Variants in TSHZ1 observed in about 807,000 individuals in gnomAD.
TSHZ1 encodes teashirt homolog 1.
Under a neutral mutation model 67.1 loss-of-function variants are expected in TSHZ1, and 12 were observed. The observed-to-expected ratio is 0.18, with a 90% CI of 0.11 to 0.29. The LOEUF is 0.29. Among genes scored for constraint, TSHZ1 ranks in the 10% least tolerant of loss-of-function variants. The pLI, the probability that TSHZ1 is intolerant of heterozygous loss-of-function variation, is 1.00. For synonymous variants in TSHZ1, 632 were observed against 622.4 expected, an observed-to-expected ratio of 1.02 and a Z score of -0.23; for missense variants, 1,305 against 1,413.9, an observed-to-expected ratio of 0.92 and a Z score of 1.23.
At chr18:75,242,367 TACTC>T (rs2023167565) in intron 1 of TSHZ1, among the ~76,000 whole-genome samples, 1 of 152,190 alleles carries the variant, frequency 6.6e-6, no homozygotes, top group Admixed American at 6.5e-5. Flanking sequence ...TACAGGCACT[TACTC>T]AGCAGCTGCA....
chr18:75,287,168 C>T lies in TSHZ1; in HGVS notation c.1761C>T (p.Gly587=), dbSNP rs1350192843. ...TCCATGCAGCCTACCAGCTCCCGGG[C>T]ACCGTGAAGCCACTGCCGGCGGCCG... is the stretch of plus-strand genomic sequence containing the variant. The part of the protein sequence containing the change: ...PSIHAAYQLP[G]TVKPLPAAVQ... The change falls in exon 2 of 2, where the codon GGC becomes GGT. Residue 587 remains glycine, a synonymous_variant. Transcript: ENST00000580243. The surrounding 1 kb of genome is among the most constrained non-coding windows in gnomAD (Gnocchi z 5.0). The T allele has an allele frequency of 1.2e-6, 2 of 1,613,676 alleles. No homozygotes were observed. Among genetic ancestry groups the T allele is most frequent in the East Asian group, 2.2e-5 (1 of 44,884 alleles).
Position 75,240,068 on chromosome 18 carries a change from G to A in TSHZ1, c.40+28152G>A, listed in dbSNP as rs555927189. ...TTGATGTCCCCTCCTTGAGCCCAGT[G>A]ATAGAATTTATCCTTCAAAGATAAA... On this transcript the variant is annotated intron_variant, in intron 1 of 1. Transcript: ENST00000580243. Among the ~76,000 whole-genome samples the A allele has an allele frequency of 1.8e-4, 28 of 152,332 alleles. No individual in the cohort carries two copies. In the South Asian group the frequency reaches 3.5e-3, roughly 19 times the overall value.
intron 1 of TSHZ1, among the ~76,000 whole-genome samples, chr18:75,235,747 G>T (rs1307164861): frequency 6.6e-6 from 1 of 152,184 alleles, no homozygotes; most frequent in African/African-American, 2.4e-5. Context: ...ATGTTATCAG[G>T]ATTGAATATG....
At chr18:75,253,328 CCTT>C in intron 1 of TSHZ1, among the ~76,000 whole-genome samples, 1 of 152,320 alleles carries the variant, frequency 6.6e-6, no homozygotes, top group Admixed American at 6.5e-5. Context: ...TTTATCATGA[CCTT>C]CTCTTGTGGC....
intron 1 of TSHZ1, among the ~76,000 whole-genome samples, chr18:75,275,905 G>A (rs1168389668): frequency 6.6e-6 from 1 of 152,184 alleles, no homozygotes; most frequent in Non-Finnish European, 1.5e-5. Context: ...GCTTTTTGCT[G>A]TTCTCACTTT....
intron 1 of TSHZ1, among the ~76,000 whole-genome samples, chr18:75,255,227 G>A (rs528771177): frequency 1.3e-5 from 2 of 152,210 alleles, no homozygotes; most frequent in East Asian, 1.9e-4. Flanking sequence ...CGCTCACTGT[G>A]TTGTTTCAGC....
At chr18:75,245,817 C>T (rs2023214368) in intron 1 of TSHZ1, among the ~76,000 whole-genome samples, 1 of 152,144 alleles carries the variant, frequency 6.6e-6, no homozygotes, top group Admixed American at 6.5e-5. Flanking sequence ...TATTCATAAT[C>T]ATGGTGCTTA....
Position 75,288,461 on chromosome 18 carries a change from C to T in TSHZ1, c.3054C>T (p.Leu1018=). ...IQEQQNVSKV[L]TNKTLGPLGA... ...AACAGCAGAATGTTTCGAAAGTCCT[C>T]ACCAACAAAACTCTGGGCCCACTGG... Residue 1018 remains leucine, a synonymous_variant, in exon 2 of 2, where the codon CTC becomes CTT. Coordinates refer to ENST00000580243, the MANE Select transcript of TSHZ1 (RefSeq NM_001308210.2). The surrounding 1 kb of genome is among the most constrained non-coding windows in gnomAD (Gnocchi z 4.9). 1 of 1,614,202 alleles carries T rather than the reference C, an allele frequency of 6.2e-7. No individual in the cohort carries two copies. The highest frequency in any genetic ancestry group is 8.5e-7 in the Non-Finnish European group (1 of 1,180,046).
In TSHZ1 at chr18:75,211,857, G is replaced by A. The variant is rs1177578824; in HGVS notation, c.-20G>A. ...GAACTCCGGCGGCGGCTGAGGCGAC[G>A]GCTGCGGCGGCCGAGCAGCATGCCG... On this transcript the variant is annotated 5_prime_UTR_variant, in exon 1 of 2. Transcript: ENST00000580243. The A allele has an allele frequency of 5.1e-6, 6 of 1,169,834 alleles. No homozygotes were observed. The highest frequency in any genetic ancestry group is 6.3e-6 in the Non-Finnish European group (6 of 948,490). The allele number at this position is 1,169,834 out of a possible 1,614,324, so 72.5% of individuals were successfully genotyped here.
intron 1 of TSHZ1, among the ~76,000 whole-genome samples, chr18:75,215,192 A>G (rs1194240287): frequency 3.9e-5 from 6 of 152,092 alleles, no homozygotes; most frequent in African/African-American, 1.2e-4. Flanking sequence ...AAAGGGAGGG[A>G]CAGGCCTGAA....
chr18:75,288,276 A>G lies in TSHZ1; in HGVS notation c.2869A>G (p.Thr957Ala), dbSNP rs2023812759. The G allele has an allele frequency of 1.9e-6, 3 of 1,614,186 alleles. No individual in the cohort carries two copies. The highest frequency in any genetic ancestry group is 1.7e-6 in the Non-Finnish European group (2 of 1,180,028). ...GTACCAGTTGAGGAGGACAGGGGGA[A>G]CGAAATTCCTAAAGAACCTGGACAC... is the stretch of plus-strand genomic sequence containing the variant. ...VKYQLRRTGG[T>A]KFLKNLDTGH... The change falls in exon 2 of 2, where the codon ACG becomes GCG. Residue 957 changes from threonine (T) to alanine (A), a missense_variant. Thr to Ala is a moderately conservative substitution (Grantham distance 58). Transcript: ENST00000580243. The surrounding 1 kb of genome is among the most constrained non-coding windows in gnomAD (Gnocchi z 4.9).
intron 1 of TSHZ1, among the ~76,000 whole-genome samples, chr18:75,282,147 G>A (rs1039566271): frequency 1.2e-4 from 19 of 152,198 alleles, no homozygotes; most frequent in African/African-American, 3.6e-4. Context: ...ACACATTGGC[G>A]ATGAGATACA....
intron 1 of TSHZ1, among the ~76,000 whole-genome samples, chr18:75,257,583 C>G (rs1422431341): frequency 6.6e-6 from 1 of 151,530 alleles, no homozygotes; most frequent in African/African-American, 2.4e-5. Context: ...AAAATTTAGT[C>G]TTCAGTTACT....
At chr18:75,278,277 G>T (rs992844638) in intron 1 of TSHZ1, among the ~76,000 whole-genome samples, 1 of 152,070 alleles carries the variant, frequency 6.6e-6, no homozygotes. Context: ...AGGGGGGCTG[G>T]CTTCCCAAAG....
chr18:75,272,321 T>G (rs1333298607), intron 1 of TSHZ1, among the ~76,000 whole-genome samples: 1 of 152,182 alleles, frequency 6.6e-6, no homozygotes, highest in Non-Finnish European at 1.5e-5. Flanking sequence ...CTCTTTTCAT[T>G]CTAAGGGAGG....
At chr18:75,240,997 G>T (rs1193925025) in intron 1 of TSHZ1, among the ~76,000 whole-genome samples, 1 of 152,192 alleles carries the variant, frequency 6.6e-6, no homozygotes, top group Admixed American at 6.5e-5. Flanking sequence ...GGCTCTAGGG[G>T]CTCCTGCTGG....
chr18:75,285,235 G>T (rs2023735969), intron 1 of TSHZ1: 2 of 449,300 alleles, frequency 4.5e-6, no homozygotes, highest in Non-Finnish European at 7.6e-6. Context: ...TCATCCTCCA[G>T]CTCAGTCCCC....
chr18:75,253,416 T>C (rs2023327253), intron 1 of TSHZ1, among the ~76,000 whole-genome samples: 1 of 152,242 alleles, frequency 6.6e-6, no homozygotes, highest in Non-Finnish European at 1.5e-5. Flanking sequence ...TTTTAAAAAA[T>C]CAAATATCAG....
At chr18:75,255,978 C>T (rs528784165) in intron 1 of TSHZ1, among the ~76,000 whole-genome samples, 4 of 152,110 alleles carry the variant, frequency 2.6e-5, no homozygotes, top group Admixed American at 1.3e-4. Flanking sequence ...AATTTAATTT[C>T]GGAGCTATTT....
Sources: gnomAD v4.1 joint callset for allele counts (sites outside exome capture counted in the v4.1 genomes callset) on GRCh38, gnomAD v4.1.1 for gene constraint, Gnocchi (gnomAD v3.1) non-coding constraint, MANE v1.5 for transcripts, NCBI Gene and HGNC (gene_info 2026-07-23, HGNC 2026-07-21) for gene names.